Variants in CLSTN2 observed in about 807,000 individuals in gnomAD.
The protein encoded by CLSTN2 is calsyntenin-2.
Under a neutral mutation model 101.2 loss-of-function variants are expected in CLSTN2, and 48 were observed. The ratio of observed to expected loss-of-function variants is 0.47; its 90% CI spans 0.38 to 0.60. The LOEUF (loss-of-function observed/expected upper bound fraction) is 0.60, where lower values mean the gene tolerates loss of function less well. CLSTN2 is among the 20% of genes least tolerant of loss of function. The probability of loss-of-function intolerance (pLI) is 0.00; values close to 1 mark genes in which losing one functional copy is unlikely to be tolerated. For synonymous variants in CLSTN2, 481 were observed against 463.6 expected (o/e 1.04, Z -0.48); for missense variants, 1,160 against 1,238.2 (o/e 0.94, Z 0.95).
At chr3:140,227,642 G>A (rs1400890511) in intron 2 of CLSTN2, among the ~76,000 whole-genome samples, 2 of 152,220 alleles carry the variant, frequency 1.3e-5, no homozygotes, top group Non-Finnish European at 2.9e-5. Flanking sequence ...CATTGCCCTA[G>A]CAAAGGTTCT....
intron 1 of CLSTN2, among the ~76,000 whole-genome samples, chr3:140,038,292 T>C (rs1407161051): frequency 6.6e-6 from 1 of 152,238 alleles, no homozygotes; most frequent in Admixed American, 6.5e-5. Flanking sequence ...ATTTCTCTAA[T>C]GATCAGTGAT....
At chr3:140,519,306 A>G (rs1370796775) in intron 8 of CLSTN2, among the ~76,000 whole-genome samples, 2 of 152,160 alleles carry the variant, frequency 1.3e-5, no homozygotes, top group Non-Finnish European at 2.9e-5. Context: ...CATATTCTTG[A>G]GGTGGAGAGT....
At chr3:139,939,492 GT>G (rs1935090253) in intron 1 of CLSTN2, among the ~76,000 whole-genome samples, 1 of 152,312 alleles carries the variant, frequency 6.6e-6, no homozygotes, top group African/African-American at 2.4e-5. Flanking sequence ...AAGCTGAGCT[GT>G]TTGCATCTTT....
intron 2 of CLSTN2, among the ~76,000 whole-genome samples, chr3:140,249,340 G>T (rs1194985443): frequency 2.6e-5 from 4 of 152,212 alleles, no homozygotes; most frequent in African/African-American, 7.2e-5. Flanking sequence ...ACCATGCCCA[G>T]CTGAGAGTAT....
At chr3:140,170,240 G>A (rs970382629) in intron 1 of CLSTN2, among the ~76,000 whole-genome samples, 1 of 152,146 alleles carries the variant, frequency 6.6e-6, no homozygotes, top group Non-Finnish European at 1.5e-5. Flanking sequence ...AGTAATTATT[G>A]TACAATACTT....
At chr3:140,052,241 C>G (rs549542254) in intron 1 of CLSTN2, among the ~76,000 whole-genome samples, 1 of 152,280 alleles carries the variant, frequency 6.6e-6, no homozygotes, top group Admixed American at 6.5e-5. Context: ...TCACTGCAAC[C>G]TCCACCTCCT....
chr3:140,323,262 T>G (rs1253004118), intron 2 of CLSTN2, among the ~76,000 whole-genome samples: 2 of 152,192 alleles, frequency 1.3e-5, no homozygotes, highest in Admixed American at 1.3e-4. Context: ...GGACCACTGG[T>G]CAGGGAACTT....
At chr3:140,419,555 A>G (rs1235409141) in intron 4 of CLSTN2, among the ~76,000 whole-genome samples, 1 of 60,584 alleles carries the variant, frequency 1.7e-5, no homozygotes, top group African/African-American at 1.8e-4. Context: ...ATATACGTGT[A>G]CGTATATATG....
At chr3:140,004,754 G>A (rs1221399257) in intron 1 of CLSTN2, among the ~76,000 whole-genome samples, 1 of 152,126 alleles carries the variant, frequency 6.6e-6, no homozygotes, top group African/African-American at 2.4e-5. Flanking sequence ...GAGGCTGCTT[G>A]TGCTAATTTG....
chr3:140,532,723 T>A (rs1048615136), intron 9 of CLSTN2, among the ~76,000 whole-genome samples: 11 of 152,236 alleles, frequency 7.2e-5, no homozygotes, highest in African/African-American at 2.7e-4. Context: ...GTTTCATGGT[T>A]GTCTCTGAGT....
chr3:140,329,578 T>A (rs2087362320), intron 2 of CLSTN2, among the ~76,000 whole-genome samples: 1 of 152,126 alleles, frequency 6.6e-6, no homozygotes, highest in African/African-American at 2.4e-5. Flanking sequence ...TATAAATGCA[T>A]GTGACACATC....
intron 8 of CLSTN2, among the ~76,000 whole-genome samples, chr3:140,513,423 T>C (rs72632313): frequency 0.063 from 9,517 of 152,238 alleles, 713 homozygotes; most frequent in East Asian, 0.3. Context: ...TTAATTTGCA[T>C]AGGTTGAACC....
intron 1 of CLSTN2, among the ~76,000 whole-genome samples, chr3:140,145,249 T>G (rs908853517): frequency 5.9e-5 from 9 of 152,242 alleles, no homozygotes; most frequent in African/African-American, 2.2e-4. Context: ...CAGAGAGTTC[T>G]GATTTCAAAC....
chr3:140,131,981 C>T (rs4683809), intron 1 of CLSTN2, among the ~76,000 whole-genome samples: 151,035 of 152,336 alleles, frequency 0.99, 74,882 homozygotes, highest in Middle Eastern at 1. Flanking sequence ...TCATTGCAGC[C>T]ATACTTGTGT....
intron 8 of CLSTN2, among the ~76,000 whole-genome samples, chr3:140,482,733 G>A (rs148773106): frequency 0.09 from 13,694 of 152,216 alleles, 769 homozygotes; most frequent in Middle Eastern, 0.15. Flanking sequence ...TTTGCATAGA[G>A]GTGTTTATAG....
intron 4 of CLSTN2, among the ~76,000 whole-genome samples, chr3:140,408,766 C>T (rs2088332460): frequency 1.3e-5 from 2 of 152,212 alleles, no homozygotes; most frequent in Admixed American, 6.5e-5. Context: ...CCCAAAATGG[C>T]CTGGGCTCCA....
chr3:140,371,476 C>T (rs2087856328), intron 2 of CLSTN2, among the ~76,000 whole-genome samples: 1 of 152,154 alleles, frequency 6.6e-6, no homozygotes, highest in Non-Finnish European at 1.5e-5. Flanking sequence ...TGACCTTCCT[C>T]AGGGCTGGCT....
intron 1 of CLSTN2, among the ~76,000 whole-genome samples, chr3:139,998,336 C>CTTTTTTTTTTTTT (rs60541490): frequency 0.03 from 1,977 of 66,772 alleles, 503 homozygotes; most frequent in African/African-American, 0.12. Context: ...CCCCACATGC[C>CTTTTTTTTTTTTT]TTTTTTTTTT....
chr3:140,207,183 A>G (rs1472357528), intron 2 of CLSTN2, among the ~76,000 whole-genome samples: 1 of 152,212 alleles, frequency 6.6e-6, no homozygotes, highest in Non-Finnish European at 1.5e-5. Flanking sequence ...CTAATAAGCT[A>G]ACAACAAAGA....
Sources: allele counts gnomAD v4.1 joint callset (sites outside exome capture counted in the v4.1 genomes callset), GRCh38; gene constraint gnomAD v4.1.1; transcripts MANE v1.5; gene names NCBI Gene and HGNC (gene_info 2026-07-23, HGNC 2026-07-21).